Variants in ATL2 observed in about 807,000 individuals in gnomAD.
ATL2 encodes atlastin-2.
ATL2 carries 31 observed loss-of-function variants against 73.9 expected under a neutral mutation model. The observed-to-expected ratio is 0.42, with a 90% CI of 0.32 to 0.57. The LOEUF (loss-of-function observed/expected upper bound fraction) is 0.57, where lower values mean the gene tolerates loss of function less well. Ranked by LOEUF, ATL2 falls within the 20% of genes least tolerant of loss-of-function variation. ATL2 has a pLI of 0.14. For missense variants in ATL2, 738 were observed against 702.6 expected, an observed-to-expected ratio of 1.05 and a Z score of -0.57; for synonymous variants, 291 against 237.5, an observed-to-expected ratio of 1.23 and a Z score of -2.07.
At chr2:38,347,298 C>T (rs533542773) in intron 1 of ATL2, among the ~76,000 whole-genome samples, 2 of 152,336 alleles carry the variant, frequency 1.3e-5, no homozygotes, top group East Asian at 3.9e-4. Flanking sequence ...AAAGCCTGGA[C>T]AATCTGGCCT....
intron 4 of ATL2, chr2:38,318,322 C>CA (rs1197048739): frequency 4.9e-5 from 18 of 368,334 alleles, no homozygotes; most frequent in Admixed American, 1.3e-4. Context: ...ACTAAAAATA[C>CA]AAAAAAATTA....
At chr2:38,339,322 G>A (rs1208857849) in intron 2 of ATL2, among the ~76,000 whole-genome samples, 1 of 152,128 alleles carries the variant, frequency 6.6e-6, no homozygotes, top group Non-Finnish European at 1.5e-5. Context: ...CTGTATTAGA[G>A]ATCCTGGAAT....
At chr2:38,324,272 CA>C (rs1261409638) in intron 2 of ATL2, among the ~76,000 whole-genome samples, 1 of 152,128 alleles carries the variant, frequency 6.6e-6, no homozygotes, top group African/African-American at 2.4e-5. Context: ...AAGCGAAACT[CA>C]GTCTCAAAAA....
Position 38,372,975 on chromosome 2 carries a change from G to T in ATL2, c.118+4168C>A, listed in dbSNP as rs540332590. On this transcript the variant is annotated intron_variant, in intron 1 of 12. Transcript: ENST00000378954. ...GCAAATATACACATTATATATAATAGCATAATAACACAAGTAGTCACACTG... is the reference window on the plus strand; with the variant it reads ...GCAAATATACACATTATATATAATATCATAATAACACAAGTAGTCACACTG... 5.3e-4 allele frequency among the ~76,000 whole-genome samples: 80 copies of T among 152,124 alleles called. 1 individual carries two copies. Among genetic ancestry groups the T allele is most frequent in the Admixed American group, 5.2e-4 (8 of 15,266 alleles).
chr2:38,323,110 T>C (rs1366461334), intron 2 of ATL2, among the ~76,000 whole-genome samples: 1 of 152,194 alleles, frequency 6.6e-6, no homozygotes, highest in Non-Finnish European at 1.5e-5. Flanking sequence ...AGAATTTTAG[T>C]GGGAGCTAAA....
In ATL2 at chr2:38,298,492, T is replaced by C. The variant is rs752038537; in HGVS notation, c.1284A>G (p.Gln428=). The C allele has an allele frequency of 7.8e-5, 126 of 1,614,168 alleles. 2 individuals are homozygous for C. The highest frequency in any genetic ancestry group is 4.1e-4 in the South Asian group (37 of 91,088). Residue 428 remains glutamine, a synonymous_variant, in exon 12 of 13, where the codon CAA becomes CAG. Transcript: ENST00000378954. ...HLDLKEVAIK[Q]FRSVKKMGGD... ...CACCCATCTTTTTTACTGAACGAAA[T>C]TGTTTTATCGCCACTTCCTTGAGAT... is the stretch of plus-strand genomic sequence containing the variant.
intron 2 of ATL2, among the ~76,000 whole-genome samples, chr2:38,341,876 T>A (rs745841078): frequency 6.6e-6 from 1 of 152,176 alleles, no homozygotes; most frequent in Non-Finnish European, 1.5e-5. Context: ...ATTACAAATG[T>A]CACAGAACTC....
At chr2:38,302,272 G>T (rs921528574) in intron 9 of ATL2, among the ~76,000 whole-genome samples, 13 of 152,004 alleles carry the variant, frequency 8.6e-5, no homozygotes, top group Non-Finnish European at 7.4e-5. Flanking sequence ...CAGATGTTGT[G>T]GCTATGAGGA....
At chr2:38,328,295 C>T (rs966551120) in intron 2 of ATL2, among the ~76,000 whole-genome samples, 4 of 152,192 alleles carry the variant, frequency 2.6e-5, no homozygotes, top group Non-Finnish European at 4.4e-5. Context: ...AATCCAATAA[C>T]ATAGTCGAGC....
At chr2:38,367,634 C>CTTT (rs776674384) in intron 1 of ATL2, among the ~76,000 whole-genome samples, 2,949 of 95,320 alleles carry the variant, frequency 0.031, 163 homozygotes, top group African/African-American at 0.1. Flanking sequence ...TTTAAAACAA[C>CTTT]TTTTTTTTTT....
At chr2:38,328,378 T>C (rs1045403941) in intron 2 of ATL2, among the ~76,000 whole-genome samples, 1 of 152,186 alleles carries the variant, frequency 6.6e-6, no homozygotes, top group Non-Finnish European at 1.5e-5. Context: ...ATACATACTC[T>C]TCTCAAACTC....
At position 38,315,288 on chromosome 2, in the gene ATL2, A is replaced by G; in HGVS notation, c.650T>C (p.Leu217Ser). 6.7e-7 allele frequency: 1 copy of G among 1,487,882 alleles called. No individual in the cohort carries two copies. Among genetic ancestry groups the G allele is most frequent in the Non-Finnish European group, 8.9e-7 (1 of 1,128,142 alleles). The allele number at this position is 1,487,882 out of a possible 1,614,324, so 92.2% of individuals were successfully genotyped here. Residue 217 changes from leucine (L) to serine (S), a missense_variant, in exon 5 of 13, where the codon TTG (leucine) becomes TCG (serine). Coordinates refer to ENST00000378954, the MANE Select transcript of ATL2 (RefSeq NM_001135673.4). ...ATTAAAAAAAGAAATACGTACTTGC[A>G]AATGTTGAAGATCATCTTCTTGAAT... ...QNIQEDDLQH[L>S]QLFTEYGRLA...
intron 2 of ATL2, among the ~76,000 whole-genome samples, chr2:38,333,199 C>G (rs1237451762): frequency 6.6e-6 from 1 of 151,788 alleles, no homozygotes; most frequent in East Asian, 1.9e-4. Context: ...CCTTCAGGGT[C>G]GATCACCTGA....
chr2:38,357,584 G>A (rs1380182225), intron 1 of ATL2, among the ~76,000 whole-genome samples: 6 of 145,754 alleles, frequency 4.1e-5, no homozygotes, highest in East Asian at 2.0e-4. Context: ...CCCGGGAGGC[G>A]GAGCTTGCAG....
At chr2:38,343,207 T>G in intron 2 of ATL2, 61 bp downstream of exon 2, 2 of 1,353,140 alleles carry the variant, frequency 1.5e-6, no homozygotes, top group South Asian at 2.9e-5. Context: ...GTCTATTTTT[T>G]TAACAGGCAT....
chr2:38,357,391 G>C (rs1573566016), intron 1 of ATL2, among the ~76,000 whole-genome samples: 1 of 150,976 alleles, frequency 6.6e-6, no homozygotes, highest in African/African-American at 2.4e-5. Context: ...ATATACTTAT[G>C]ATTTACTTCC....
At chr2:38,361,483 T>G (rs1417470392) in intron 1 of ATL2, among the ~76,000 whole-genome samples, 1 of 152,132 alleles carries the variant, frequency 6.6e-6, no homozygotes, top group Non-Finnish European at 1.5e-5. Context: ...ATAAGCTATT[T>G]AAAAACCAGA....
At chr2:38,368,530 G>A (rs10197052) in intron 1 of ATL2, among the ~76,000 whole-genome samples, 430 of 152,300 alleles carry the variant, frequency 2.8e-3, no homozygotes, top group Non-Finnish European at 4.1e-3. Flanking sequence ...GGGATTACAG[G>A]CATGAGCCAC....
chr2:38,341,262 A>G (rs547375561), intron 2 of ATL2, among the ~76,000 whole-genome samples: 65 of 152,348 alleles, frequency 4.3e-4, no homozygotes, highest in African/African-American at 1.5e-3. Context: ...TATCATCTTT[A>G]AATGTACAGT....
Sources: gnomAD v4.1 joint callset for allele counts (sites outside exome capture counted in the v4.1 genomes callset) on GRCh38, gnomAD v4.1.1 for gene constraint, MANE v1.5 for transcripts, NCBI Gene and HGNC (gene_info 2026-07-23, HGNC 2026-07-21) for gene names.